The following THRB variants were observed in gnomAD, a reference collection of about 807,000 sequenced individuals.
THRB encodes the protein nuclear receptor subfamily 1 group A member 2.
THRB carries 12 observed loss-of-function variants against 47.8 expected under a neutral mutation model. That is an observed-to-expected ratio of 0.25 (90% CI 0.16 to 0.41). The LOEUF is 0.41. THRB is among the 10% of genes least tolerant of loss of function. THRB has a pLI of 1.00. For synonymous variants in THRB, 218 were observed against 212.2 expected (o/e 1.03, Z -0.24); for missense variants, 348 against 589.2 (o/e 0.59, Z 4.24).
intron 3 of THRB, among the ~76,000 whole-genome samples, chr3:24,255,721 T>C (rs1490174262): frequency 2.6e-5 from 4 of 151,878 alleles, no homozygotes. Flanking sequence ...GGCAGAAGGG[T>C]GAGGACAGGG....
chr3:24,226,715 T>C (rs2047689893), intron 4 of THRB, among the ~76,000 whole-genome samples: 1 of 152,162 alleles, frequency 6.6e-6, no homozygotes. Flanking sequence ...AGATGGTTTG[T>C]AGCTAGAAGA....
Position 24,127,557 on chromosome 3 carries a change from A to G in THRB, c.1086T>C (p.Ser362=). Residue 362 remains serine (S), a synonymous_variant, in exon 10 of 11, where the codon TCT becomes TCC. Coordinates refer to ENST00000646209, the MANE Select transcript of THRB (RefSeq NM_001354712.2). ...AIFDLGMSLS[S]FNLDDTEVAL... The stretch of plus-strand genomic sequence containing the variant: ...CTACTTCAGTGTCATCCAGGTTGAA[A>G]GAAGACAGAGACATGCCCAGGTCAA... 6.2e-7 allele frequency: 1 copy of G among 1,614,214 alleles called. No homozygotes were observed. Among genetic ancestry groups the G allele is most frequent in the Non-Finnish European group, 8.5e-7 (1 of 1,180,022 alleles).
At chr3:24,220,521 T>A (rs1034177711) in intron 4 of THRB, among the ~76,000 whole-genome samples, 1 of 152,186 alleles carries the variant, frequency 6.6e-6, no homozygotes, top group African/African-American at 2.4e-5. Flanking sequence ...GATTCTAATA[T>A]GCAGCCAAGT....
chr3:24,367,513 T>A (rs2064562107), intron 1 of THRB, among the ~76,000 whole-genome samples: 1 of 152,196 alleles, frequency 6.6e-6, no homozygotes, highest in Non-Finnish European at 1.5e-5. Flanking sequence ...TCTAGTAAGC[T>A]AGCCTTTGGG....
intron 8 of THRB, among the ~76,000 whole-genome samples, chr3:24,134,017 G>C (rs1003937458): frequency 6.6e-6 from 1 of 152,198 alleles, no homozygotes; most frequent in Non-Finnish European, 1.5e-5. Context: ...GGTTGAGGGG[G>C]AAGATTGCTA....
Position 24,119,992 on chromosome 3 carries a change from G to T in THRB, c.*2892C>A, listed in dbSNP as rs1045342704. 6.6e-6 allele frequency: 1 copy of T among 152,148 alleles called. No homozygotes were observed. Among genetic ancestry groups the T allele is most frequent in the Non-Finnish European group, 1.5e-5 (1 of 68,036 alleles). 9.4% of individuals were successfully genotyped at this position (152,148 alleles called of 1,614,324 possible). ...TCTACTGAGACGTCTCCCTGCCGAG[G>T]GGGTGGGAGCGCAGGTGTGAAGGGT... On this transcript the variant is annotated 3_prime_UTR_variant, in exon 11 of 11. Transcript: ENST00000646209.
At chr3:24,223,306 C>T (rs1440482589) in intron 4 of THRB, among the ~76,000 whole-genome samples, 1 of 152,150 alleles carries the variant, frequency 6.6e-6, no homozygotes, top group Non-Finnish European at 1.5e-5. Flanking sequence ...CAAGTCATTC[C>T]TGCGTCTAAT....
chr3:24,203,897 C>A (rs1265230040), intron 4 of THRB, among the ~76,000 whole-genome samples: 1 of 152,232 alleles, frequency 6.6e-6, no homozygotes, highest in African/African-American at 2.4e-5. Context: ...GCCCACGGAG[C>A]CTTGCTCATT....
chr3:24,293,799 T>C (rs1261249030), intron 3 of THRB, among the ~76,000 whole-genome samples: 1 of 152,182 alleles, frequency 6.6e-6, no homozygotes, highest in Non-Finnish European at 1.5e-5. Context: ...CAGATGCCAT[T>C]GTGGCGGCTG....
rs575382970 is a variant in THRB at position 24,375,247 on chromosome 3, G to C, written c.-260-37876C>G. On this transcript the variant is annotated intron_variant, in intron 1 of 10. Transcript: ENST00000646209. Reference sequence around the variant, plus strand: ...TTACAGTTTTGGATTTGGCTGCTTTGTTGTAACAAAACACTTCATGTTCAA... The same window carrying C: ...TTACAGTTTTGGATTTGGCTGCTTTCTTGTAACAAAACACTTCATGTTCAA... Among the ~76,000 whole-genome samples, 96 of 150,298 alleles carry C rather than the reference G, an allele frequency of 6.4e-4. No individual in the cohort carries two copies. In the South Asian group the frequency reaches 7.7e-3, roughly 12 times the overall value.
chr3:24,353,962 T>C (rs771255189), intron 1 of THRB, among the ~76,000 whole-genome samples: 6 of 152,288 alleles, frequency 3.9e-5, no homozygotes, highest in Non-Finnish European at 8.8e-5. Context: ...CTGATTTCAA[T>C]TAAATGCTTC....
At chr3:24,371,191 CA>C (rs1481297384) in intron 1 of THRB, among the ~76,000 whole-genome samples, 1 of 152,056 alleles carries the variant, frequency 6.6e-6, no homozygotes, top group African/African-American at 2.4e-5. Flanking sequence ...TCCAAACTGA[CA>C]AACTTAGCTT....
chr3:24,276,276 C>T (rs1191707131), intron 3 of THRB, among the ~76,000 whole-genome samples: 2 of 152,110 alleles, frequency 1.3e-5, no homozygotes, highest in Non-Finnish European at 2.9e-5. Flanking sequence ...TTAGGTAACT[C>T]ATCTGAAAGC....
intron 3 of THRB, among the ~76,000 whole-genome samples, chr3:24,274,026 A>G (rs2150701456): frequency 6.6e-6 from 1 of 152,334 alleles, no homozygotes; most frequent in East Asian, 1.9e-4. Flanking sequence ...ATTTAGCAAA[A>G]TAGAAAGATT....
At chr3:24,437,276 C>T (rs1322379659) in intron 1 of THRB, among the ~76,000 whole-genome samples, 1 of 151,612 alleles carries the variant, frequency 6.6e-6, no homozygotes, top group Non-Finnish European at 1.5e-5. Flanking sequence ...AGTGAAATAA[C>T]CCACCCATAG....
At chr3:24,217,041 C>T (rs1171631988) in intron 4 of THRB, among the ~76,000 whole-genome samples, 9 of 149,948 alleles carry the variant, frequency 6.0e-5, no homozygotes, top group Non-Finnish European at 1.5e-5. Flanking sequence ...TTTTCTCAAC[C>T]CTAAGTAGGA....
At chr3:24,320,297 T>C (rs2058398708) in intron 2 of THRB, among the ~76,000 whole-genome samples, 1 of 152,232 alleles carries the variant, frequency 6.6e-6, no homozygotes, top group Non-Finnish European at 1.5e-5. Context: ...GAAAAATGTA[T>C]TGTCTGCTCT....
At chr3:24,466,166 AT>A (rs1337051864) in intron 1 of THRB, among the ~76,000 whole-genome samples, 1 of 150,006 alleles carries the variant, frequency 6.7e-6, no homozygotes, top group African/African-American at 2.5e-5. Flanking sequence ...CCTTCTTTCT[AT>A]TTTTTTTTCT....
chr3:24,261,991 A>G (rs1203925435), intron 3 of THRB, among the ~76,000 whole-genome samples: 1 of 152,104 alleles, frequency 6.6e-6, no homozygotes. Flanking sequence ...TTCTGTCTCA[A>G]TGGCTTTAAA....
Sources: allele counts gnomAD v4.1 joint callset (sites outside exome capture counted in the v4.1 genomes callset), GRCh38; gene constraint gnomAD v4.1.1; transcripts MANE v1.5; gene names NCBI Gene and HGNC (gene_info 2026-07-23, HGNC 2026-07-21).